ASIC2: variants seen among roughly 807,000 people sequenced by gnomAD.
The protein encoded by ASIC2 is acid-sensing ion channel 2.
ASIC2 carries 25 observed loss-of-function variants against 57.3 expected under a neutral mutation model. That is an observed-to-expected ratio of 0.44 (90% CI 0.32 to 0.61). The LOEUF (loss-of-function observed/expected upper bound fraction) is 0.61, where lower values mean the gene tolerates loss of function less well. Ranked by LOEUF, ASIC2 falls within the 20% of genes least tolerant of loss-of-function variation. ASIC2 has a pLI of 0.06. For missense variants in ASIC2, 641 were observed against 738.1 expected, an observed-to-expected ratio of 0.87 and a Z score of 1.52; for synonymous variants, 319 against 307.5, an observed-to-expected ratio of 1.04 and a Z score of -0.39.
At position 33,712,636 on chromosome 17, in the gene ASIC2, C is replaced by CTTTT. The variant is rs60673332; in HGVS notation, c.555+443338_555+443341dup. 3.8e-3 allele frequency among the ~76,000 whole-genome samples: 245 copies of CTTTT among 63,642 alleles called. 24 individuals are homozygous for CTTTT. The highest frequency in any genetic ancestry group is 0.013 in the African/African-American group (232 of 17,336). The allele number at this position is 63,642 out of a possible 152,430, so 41.8% of individuals were successfully genotyped here. ...TTTGCTTCCAAGCTTACTCATATGG[C>CTTTT]TTTTTTTTTTTTTTTTTTTTTTTTT... On this transcript the variant is annotated intron_variant, in intron 1 of 9. Transcript: ENST00000359872.
intron 1 of ASIC2, among the ~76,000 whole-genome samples, chr17:33,373,222 G>A (rs115802935): frequency 0.013 from 1,937 of 152,288 alleles, 46 homozygotes; most frequent in African/African-American, 0.045. Context: ...GAAATGCAGA[G>A]GAATAATATT....
At chr17:34,077,103 GATTC>G in intron 1 of ASIC2, among the ~76,000 whole-genome samples, 1 of 152,306 alleles carries the variant, frequency 6.6e-6, no homozygotes, top group Non-Finnish European at 1.5e-5. Context: ...GAGTACCTGG[GATTC>G]GGATCCAGGC....
Position 33,362,651 on chromosome 17 carries a change from T to C in ASIC2, c.556-250584A>G, listed in dbSNP as rs561434139. Reference sequence around the variant, plus strand: ...GATTCTTGGAACTGTGAAAAGATAATGGATAGGAGAGCCCTTACTCCTGCA... The same window carrying C: ...GATTCTTGGAACTGTGAAAAGATAACGGATAGGAGAGCCCTTACTCCTGCA... On this transcript the variant is annotated intron_variant, in intron 1 of 9. Transcript: ENST00000359872. Among the ~76,000 whole-genome samples the C allele has an allele frequency of 3.1e-4, 47 of 152,358 alleles. 1 individual carries two copies. The South Asian group carries it at 9.1e-3, about 30-fold the overall frequency.
intron 1 of ASIC2, among the ~76,000 whole-genome samples, chr17:33,573,359 T>C (rs1269700709): frequency 6.6e-6 from 1 of 152,116 alleles, no homozygotes; most frequent in East Asian, 1.9e-4. Flanking sequence ...CCACGGCCCA[T>C]CTCAGGAAAT....
chr17:33,510,563 T>A (rs1914400299), intron 1 of ASIC2, among the ~76,000 whole-genome samples: 1 of 151,986 alleles, frequency 6.6e-6, no homozygotes, highest in South Asian at 2.1e-4. Flanking sequence ...GCCCAGGAGG[T>A]CGAGTCTGCA....
chr17:33,498,699 G>T (rs191016066), intron 1 of ASIC2, among the ~76,000 whole-genome samples: 37 of 152,288 alleles, frequency 2.4e-4, no homozygotes, highest in African/African-American at 8.9e-4. Flanking sequence ...CCTTTCTCCG[G>T]GGCTCACAGG....
In ASIC2 at chr17:33,706,711, C is replaced by T. The variant is rs571371063; in HGVS notation, c.555+449267G>A. 6.6e-5 allele frequency among the ~76,000 whole-genome samples: 10 copies of T among 152,268 alleles called. No individual in the cohort carries two copies. The South Asian group carries it at 2.1e-3, about 32-fold the overall frequency. The stretch of plus-strand genomic sequence containing the variant: ...ATCACCATAATTCCATCCTCAAACT[C>T]TCTGCCAGAAATAGAAAATCTCTCT... On this transcript the variant is annotated intron_variant, in intron 1 of 9. Coordinates refer to the ASIC2 transcript ENST00000359872.
intron 1 of ASIC2, among the ~76,000 whole-genome samples, chr17:33,586,305 GC>G (rs1904631957): frequency 6.6e-6 from 1 of 152,110 alleles, no homozygotes; most frequent in Non-Finnish European, 1.5e-5. Context: ...ATCTAGGGGG[GC>G]AGGGGGACCT....
At chr17:33,770,808 CT>C (rs1363071772) in intron 1 of ASIC2, among the ~76,000 whole-genome samples, 10 of 152,310 alleles carry the variant, frequency 6.6e-5, no homozygotes, top group Non-Finnish European at 1.0e-4. Flanking sequence ...AATTTCCCCC[CT>C]GGGACTGTAG....
At chr17:33,408,665 G>A (rs904674052) in intron 1 of ASIC2, among the ~76,000 whole-genome samples, 7 of 152,082 alleles carry the variant, frequency 4.6e-5, no homozygotes, top group African/African-American at 1.7e-4. Context: ...CCACTCCCTG[G>A]ATGAAAATTC....
chr17:33,090,421 G>C (rs1335551939), intron 2 of ASIC2, among the ~76,000 whole-genome samples: 1 of 152,232 alleles, frequency 6.6e-6, no homozygotes, highest in African/African-American at 2.4e-5. Flanking sequence ...CATACACCAG[G>C]CACTCAGGAG....
At chr17:33,750,889 T>G (rs1476872649) in intron 1 of ASIC2, among the ~76,000 whole-genome samples, 5 of 152,136 alleles carry the variant, frequency 3.3e-5, no homozygotes, top group Non-Finnish European at 7.4e-5. Flanking sequence ...TCCATCCAGT[T>G]TCCTGGGGAA....
intron 1 of ASIC2, among the ~76,000 whole-genome samples, chr17:33,522,245 TTC>T (rs1370116349): frequency 6.6e-6 from 1 of 152,188 alleles, no homozygotes; most frequent in Admixed American, 6.5e-5. Flanking sequence ...CTGCTCCCCA[TTC>T]TAGCTCCTGC....
chr17:33,259,651 T>C (rs1390312915), intron 1 of ASIC2, among the ~76,000 whole-genome samples: 1 of 152,032 alleles, frequency 6.6e-6, no homozygotes, highest in Non-Finnish European at 1.5e-5. Context: ...GAAGACTTGG[T>C]CATTTATTTT....
intron 1 of ASIC2, among the ~76,000 whole-genome samples, chr17:34,136,871 C>T (rs1490357944): frequency 1.3e-5 from 2 of 152,202 alleles, no homozygotes; most frequent in Non-Finnish European, 2.9e-5. Context: ...TGTCTCTGGC[C>T]TGCTCATGCA....
chr17:33,291,598 T>G lies in ASIC2; in HGVS notation c.518A>C (p.Glu173Ala). ...GCGCGGCTCGTCGCCCCGCAGCAGC[T>G]CGCTGACAAGCGGGCGCGCGGTGCG... Reference protein sequence around the residue: ...PNRTARPLVSELLRGDEPRRQ... With the variant: ...PNRTARPLVSALLRGDEPRRQ... The change falls in exon 1 of 10, where the codon GAG (glutamate) becomes GCG (alanine). Residue 173 changes from glutamate to alanine, a missense_variant. Around this residue, in one of 3 missense-constraint regions of ASIC2, gnomAD observed 382 missense variants for 398.0 expected, o/e 0.96. Coordinates refer to ENST00000225823, the MANE Select transcript of ASIC2 (RefSeq NM_183377.2). 8.7e-6 allele frequency: 14 copies of G among 1,608,184 alleles called. No homozygotes were observed. Among genetic ancestry groups the G allele is most frequent in the Non-Finnish European group, 1.1e-5 (13 of 1,178,300 alleles).
chr17:33,830,553 AAT>A (rs1263719952), intron 1 of ASIC2, among the ~76,000 whole-genome samples: 5 of 53,470 alleles, frequency 9.4e-5, no homozygotes, highest in Admixed American at 3.1e-4. Flanking sequence ...ACATTAAAAA[AAT>A]TTTTTTTTTA....
Position 33,529,423 on chromosome 17 carries a change from A to G in ASIC2, c.556-417356T>C, listed in dbSNP as rs1256816555. On this transcript the variant is annotated intron_variant, in intron 1 of 9. Coordinates refer to the ASIC2 transcript ENST00000359872. The stretch of plus-strand genomic sequence containing the variant: ...GTGTGCTCCCTGGGCCAGCGGCATC[A>G]GCATCAACATCACCTGGGAGCTTGT... 2.0e-5 allele frequency among the ~76,000 whole-genome samples: 3 copies of G among 152,200 alleles called. 1 individual carries two copies. Among genetic ancestry groups the G allele is most frequent in the African/African-American group, 7.2e-5 (3 of 41,450 alleles).
chr17:33,592,616 G>A (rs559466705), intron 1 of ASIC2, among the ~76,000 whole-genome samples: 1 of 152,356 alleles, frequency 6.6e-6, no homozygotes, highest in Non-Finnish European at 1.5e-5. Flanking sequence ...GACTTAATTA[G>A]CTCTGTGTAC....
Sources: allele counts gnomAD v4.1 joint callset (sites outside exome capture counted in the v4.1 genomes callset), GRCh38; gene constraint gnomAD v4.1.1; regional missense constraint gnomAD v4.1.1; transcripts MANE v1.5; gene names NCBI Gene and HGNC (gene_info 2026-07-23, HGNC 2026-07-21).